Variants in UGT8 observed in about 807,000 individuals in gnomAD.
UGT8 encodes the protein 2-hydroxyacylsphingosine 1-beta-galactosyltransferase.
In UGT8, 12 loss-of-function variants were observed where a neutral mutation model predicts 40.5. The observed-to-expected ratio is 0.30, with a 90% CI of 0.19 to 0.48. UGT8 has a LOEUF of 0.48. Ranked by LOEUF, UGT8 falls within the 20% of genes least tolerant of loss-of-function variation. The pLI is 0.99. For missense variants in UGT8, 513 were observed against 648.7 expected (o/e 0.79, Z 2.27); for synonymous variants, 224 against 240.4 (o/e 0.93, Z 0.63).
At chr4:114,607,208 A>G (rs1730787508) in intron 1 of UGT8, among the ~76,000 whole-genome samples, 1 of 152,204 alleles carries the variant, frequency 6.6e-6, no homozygotes, top group African/African-American at 2.4e-5. Context: ...TAACCTTTGG[A>G]AGTCAAAATG....
intron 2 of UGT8, among the ~76,000 whole-genome samples, chr4:114,633,684 G>A (rs1395125864): frequency 2.0e-5 from 3 of 152,176 alleles, no homozygotes; most frequent in African/African-American, 4.8e-5. Context: ...GGTGGCTTTC[G>A]CCTGTCATCC....
At chr4:114,673,715 A>T (rs1735445776) in intron 5 of UGT8, among the ~76,000 whole-genome samples, 1 of 152,146 alleles carries the variant, frequency 6.6e-6, no homozygotes, top group African/African-American at 2.4e-5. Flanking sequence ...AAAATAAAAG[A>T]TTGGATTTTA....
intron 2 of UGT8, among the ~76,000 whole-genome samples, chr4:114,635,221 C>T (rs968816504): frequency 2.6e-5 from 4 of 151,902 alleles, no homozygotes; most frequent in Admixed American, 6.6e-5. Context: ...CATGGTGGCA[C>T]GCACTTGTAA....
At position 114,676,056 on chromosome 4, in the gene UGT8, A is replaced by G. The variant is rs2126142629; in HGVS notation, c.1394A>G (p.His465Arg). Reference protein sequence around the residue: ...NGAHHLRAAVHQISFCQYFLL... With the variant: ...NGAHHLRAAVRQISFCQYFLL... ...GCCCATCACCTACGTGCCGCTGTCCATCAGATCTCCTTTTGTCAGTATTTT... is the reference window on the plus strand; with the variant it reads ...GCCCATCACCTACGTGCCGCTGTCCGTCAGATCTCCTTTTGTCAGTATTTT... The change falls in exon 6 of 6, where the codon CAT becomes CGT. Residue 465 changes from histidine to arginine, a missense_variant. By Grantham distance (29) the His-to-Arg change is conservative. Around this residue, in one of 3 missense-constraint regions of UGT8, gnomAD observed 175 missense variants for 186.7 expected, o/e 0.94. Transcript: ENST00000310836. 2 of 1,614,206 alleles carry G rather than the reference A, an allele frequency of 1.2e-6. No individual in the cohort carries two copies. The highest frequency in any genetic ancestry group is 3.3e-4 in the Middle Eastern group (2 of 6,062).
At chr4:114,672,629 C>T (rs1000414235) in intron 5 of UGT8, among the ~76,000 whole-genome samples, 3 of 151,516 alleles carry the variant, frequency 2.0e-5, no homozygotes, top group Admixed American at 6.6e-5. Flanking sequence ...AACGTATGGA[C>T]ACAGAGAGGG....
intron 4 of UGT8, among the ~76,000 whole-genome samples, chr4:114,666,863 A>G (rs547472508): frequency 6.6e-5 from 10 of 152,090 alleles, no homozygotes; most frequent in Non-Finnish European, 1.5e-4. Context: ...CTTTTTTAAC[A>G]ATAGGCACTA....
At chr4:114,602,018 G>T (rs2126082210) in intron 1 of UGT8, among the ~76,000 whole-genome samples, 1 of 152,236 alleles carries the variant, frequency 6.6e-6, no homozygotes, top group East Asian at 1.9e-4. Flanking sequence ...TTTATTTGTG[G>T]TTTGGACTGT....
intron 2 of UGT8, among the ~76,000 whole-genome samples, chr4:114,631,605 G>A (rs970763132): frequency 6.6e-6 from 1 of 152,154 alleles, no homozygotes; most frequent in Non-Finnish European, 1.5e-5. Context: ...CTGTCGGCAC[G>A]TGATTGTAGG....
intron 2 of UGT8, among the ~76,000 whole-genome samples, chr4:114,660,680 C>A (rs1333844525): frequency 6.6e-6 from 1 of 151,988 alleles, no homozygotes; most frequent in Non-Finnish European, 1.5e-5. Context: ...ATCACGAGGT[C>A]AGGAGATCAA....
intron 5 of UGT8, among the ~76,000 whole-genome samples, chr4:114,672,448 T>A (rs982872229): frequency 3.3e-5 from 5 of 151,998 alleles, no homozygotes; most frequent in African/African-American, 1.2e-4. Flanking sequence ...ACTGGATAAA[T>A]AAAATGTGGT....
Position 114,677,327 on chromosome 4 carries a change from A to G in UGT8, c.*1039A>G, listed in dbSNP as rs1367818367. ...TTTTATTGTCTGGGCCATACAATCT[A>G]TATTACATAGGTGCCAACATTTAAT... On this transcript the variant is annotated 3_prime_UTR_variant, in exon 6 of 6. Transcript: ENST00000310836. The G allele has an allele frequency of 6.6e-6, 1 of 152,212 alleles. No homozygotes were observed. The highest frequency in any genetic ancestry group is 1.5e-5 in the Non-Finnish European group (1 of 68,034). 9.4% of individuals were successfully genotyped at this position (152,212 alleles called of 1,614,324 possible). A position where few individuals can be genotyped will look rare whatever the true frequency, so the allele number is the denominator to read the frequency against.
At position 114,676,219 on chromosome 4, in the gene UGT8, C is replaced by T; in HGVS notation, c.1557C>T (p.Tyr519=). 1 of 1,613,420 alleles carries T rather than the reference C, an allele frequency of 6.2e-7. No individual in the cohort carries two copies. ...RNKHSTVNGH[Y]HNGILNGKYK... ...AGCATAGCACAGTTAATGGACATTA[C>T]CACAATGGAATCCTCAATGGCAAGT... is the stretch of plus-strand genomic sequence containing the variant. Residue 519 remains tyrosine, a synonymous_variant, in exon 6 of 6, where the codon TAC becomes TAT. Coordinates refer to ENST00000310836, the MANE Select transcript of UGT8 (RefSeq NM_001128174.3).
At chr4:114,630,876 C>T (rs1479412555) in intron 2 of UGT8, among the ~76,000 whole-genome samples, 1 of 152,074 alleles carries the variant, frequency 6.6e-6, no homozygotes, top group Non-Finnish European at 1.5e-5. Flanking sequence ...AACTGGGACT[C>T]CAGCCCCTCT....
chr4:114,644,608 T>TTA (rs528677580), intron 2 of UGT8, among the ~76,000 whole-genome samples: 19 of 152,178 alleles, frequency 1.2e-4, no homozygotes, highest in Non-Finnish European at 1.6e-4. Flanking sequence ...GGCTGGTATA[T>TTA]TATAGTCCTT....
intron 1 of UGT8, among the ~76,000 whole-genome samples, chr4:114,618,074 C>A (rs1384811294): frequency 6.6e-6 from 1 of 151,164 alleles, no homozygotes; most frequent in Non-Finnish European, 1.5e-5. Flanking sequence ...AATTTTATTT[C>A]TGATCTTCTT....
chr4:114,630,799 T>A (rs1036412478), intron 2 of UGT8, among the ~76,000 whole-genome samples: 3 of 152,000 alleles, frequency 2.0e-5, no homozygotes, highest in Non-Finnish European at 4.4e-5. Flanking sequence ...ATTAAGGGAG[T>A]AGCTTCATCA....
intron 1 of UGT8, among the ~76,000 whole-genome samples, chr4:114,616,221 G>C (rs974929546): frequency 2.0e-5 from 3 of 152,276 alleles, no homozygotes; most frequent in South Asian, 2.1e-4. Flanking sequence ...AGGCAGGCAG[G>C]CCTCCTTGAG....
chr4:114,624,067 C>A (rs747936749), intron 2 of UGT8, among the ~76,000 whole-genome samples: 1 of 152,182 alleles, frequency 6.6e-6, no homozygotes, highest in Non-Finnish European at 1.5e-5. Flanking sequence ...CCCCTCTGTT[C>A]TGCCCCAAAT....
chr4:114,650,651 T>C (rs1170449169), intron 2 of UGT8, among the ~76,000 whole-genome samples: 1 of 152,188 alleles, frequency 6.6e-6, no homozygotes, highest in African/African-American at 2.4e-5. Flanking sequence ...CCTGGGGATG[T>C]TTCTGACTTT....
Sources: gnomAD v4.1 joint callset for allele counts (sites outside exome capture counted in the v4.1 genomes callset) on GRCh38, gnomAD v4.1.1 for gene constraint, gnomAD v4.1.1 regional missense constraint, MANE v1.5 for transcripts, NCBI Gene and HGNC (gene_info 2026-07-23, HGNC 2026-07-21) for gene names.